GRIN3B: variants seen among roughly 807,000 people sequenced by gnomAD.
The protein encoded by GRIN3B is glutamate receptor ionotropic, NMDA 3B.
A neutral mutation model predicts 66.0 loss-of-function variants in GRIN3B; 77 were observed. The ratio of observed to expected loss-of-function variants is 1.17; its 90% CI spans 0.97 to 1.41. GRIN3B has a LOEUF of 1.41. Among genes scored for constraint, GRIN3B ranks in the 40% most tolerant of loss-of-function variants. The probability of loss-of-function intolerance (pLI) is 0.00; values close to 1 mark genes in which losing one functional copy is unlikely to be tolerated. For synonymous variants in GRIN3B, 823 were observed against 749.7 expected (o/e 1.10, Z -1.60); for missense variants, 1,787 against 1,564.5 (o/e 1.14, Z -2.40).
Position 1,007,777 on chromosome 19 carries a change from AG to A in GRIN3B, c.2198+5del. On this transcript the variant is annotated splice_donor_5th_base_variant and intron_variant, in intron 4 of 8. Coordinates refer to ENST00000234389, the MANE Select transcript of GRIN3B (RefSeq NM_138690.3). The surrounding 1 kb of genome is among the most constrained non-coding windows in gnomAD (Gnocchi z 4.4). ...CCCGCGGCGTCGCCATGCTCACGTG[AG>A]CCCGGGCGCGGGGTGAGGCGGGGGC... The A allele has an allele frequency of 6.6e-7, 1 of 1,513,680 alleles. No individual in the cohort carries two copies. The highest frequency in any genetic ancestry group is 8.8e-7 in the Non-Finnish European group (1 of 1,131,726). 93.8% of individuals were successfully genotyped at this position (1,513,680 alleles called of 1,614,324 possible). A position where few individuals can be genotyped will look rare whatever the true frequency, so the allele number is the denominator to read the frequency against.
intron 6 of GRIN3B, 144 bp from the exon 7 acceptor site, chr19:1,008,474 C>G (rs1033279782): frequency 1.9e-6 from 2 of 1,078,548 alleles, no homozygotes; most frequent in Non-Finnish European, 2.6e-6. Flanking sequence ...CCTCACTCCC[C>G]CCAGCCATGG....
In GRIN3B at chr19:1,005,644, TGGAGG is replaced by T; in HGVS notation, c.2052+92_2052+96del. 3 of 1,007,588 alleles carry T rather than the reference TGGAGG, an allele frequency of 3.0e-6. No homozygotes were observed. The highest frequency in any genetic ancestry group is 4.3e-6 in the Non-Finnish European group (3 of 700,698). 62.4% of individuals were successfully genotyped at this position (1,007,588 alleles called of 1,614,324 possible). The stretch of plus-strand genomic sequence containing the variant: ...TGGGGCAGGGGTGGTCAGCTGGACG[TGGAGG>T]ACGTCCACTAGGCCAACTCTGGTCC... On this transcript the variant is annotated intron_variant, in intron 3 of 8. Coordinates refer to ENST00000234389, the MANE Select transcript of GRIN3B (RefSeq NM_138690.3). This position sits in a 1 kb window ranked among gnomAD's most constrained non-coding sequence, Gnocchi z 5.2.
rs1218913213 is a variant in GRIN3B at position 1,000,796 on chromosome 19, C to T, written c.359C>T (p.Ala120Val). 6.9e-7 allele frequency: 1 copy of T among 1,444,062 alleles called. No individual in the cohort carries two copies. Among genetic ancestry groups the T allele is most frequent in the Non-Finnish European group, 9.0e-7 (1 of 1,105,212 alleles). The allele number at this position is 1,444,062 out of a possible 1,614,324, so 89.5% of individuals were successfully genotyped here. Residue 120 changes from alanine to valine, a missense_variant, in exon 1 of 9, where the codon GCG becomes GTG. Coordinates refer to ENST00000234389, the MANE Select transcript of GRIN3B (RefSeq NM_138690.3). ...GAGCTGCTGCAGCTGCACTTCCTGGCGGCGGCCACCGAGACCCCCGTGCTC... is the reference window on the plus strand; with the variant it reads ...GAGCTGCTGCAGCTGCACTTCCTGGTGGCGGCCACCGAGACCCCCGTGCTC... ...RPELLQLHFL[A>V]AATETPVLSL...
chr19:1,003,751 G>A (rs1485186872), intron 2 of GRIN3B, 29 bp downstream of exon 2: 3 of 1,379,292 alleles, frequency 2.2e-6, no homozygotes, highest in South Asian at 1.6e-5. Context: ...TCCCTTAGGA[G>A]GGTGTCCAGG....
At position 1,005,017 on chromosome 19, in the gene GRIN3B, G is replaced by T. The variant is rs377629131; in HGVS notation, c.1516G>T (p.Gly506Cys). 1.2e-6 allele frequency: 2 copies of T among 1,612,054 alleles called. No homozygotes were observed. The highest frequency in any genetic ancestry group is 2.7e-5 in the African/African-American group (2 of 75,030). Residue 506 changes from glycine (G) to cysteine (C), a missense_variant, in exon 3 of 9, where the codon GGC becomes TGC. Gly to Cys is a radical substitution (Grantham distance 159). Transcript: ENST00000234389. This position sits in a 1 kb window ranked among gnomAD's most constrained non-coding sequence, Gnocchi z 5.2. Reference sequence around the variant, plus strand: ...GTACCTCGTGGGTGACGGCAAGTACGGCGCCCTGCGGGACGGCCGCTGGAC... The same window carrying T: ...GTACCTCGTGGGTGACGGCAAGTACTGCGCCCTGCGGGACGGCCGCTGGAC... ...ELYLVGDGKYGALRDGRWTGL... is the reference protein window; with the variant it reads ...ELYLVGDGKYCALRDGRWTGL...
chr19:1,005,809 C>T lies in GRIN3B; in HGVS notation c.2052+256C>T, dbSNP rs2038742759. Among the ~76,000 whole-genome samples, 1 of 152,126 alleles carries T rather than the reference C, an allele frequency of 6.6e-6. No homozygotes were observed. The stretch of plus-strand genomic sequence containing the variant: ...GAAGTCAGGAGTCTCGAACTGGAGC[C>T]TGGCCAACATGGTGAAACCCCATCT... On this transcript the variant is annotated intron_variant, in intron 3 of 8. Transcript: ENST00000234389. The surrounding 1 kb of genome is among the most constrained non-coding windows in gnomAD (Gnocchi z 5.2).
chr19:1,009,053 C>A, intron 8 of GRIN3B, 120 bp from the exon 9 acceptor site: 1 of 1,443,458 alleles, frequency 6.9e-7, no homozygotes, highest in Non-Finnish European at 9.3e-7. Context: ...CCCGGACGTG[C>A]ACACCGTGGC....
chr19:1,005,442 C>A lies in GRIN3B; in HGVS notation c.1941C>A (p.Asn647Lys). 6.2e-7 allele frequency: 1 copy of A among 1,613,584 alleles called. No homozygotes were observed. Among genetic ancestry groups the A allele is most frequent in the Non-Finnish European group, 8.5e-7 (1 of 1,179,982 alleles). ...PKCPTGRLLM[N>K]LWAIFCLLVL... Reference sequence around the variant, plus strand: ...GCCCCACGGGCCGCCTGCTCATGAACCTCTGGGCCATCTTCTGCCTGCTGG... The same window carrying A: ...GCCCCACGGGCCGCCTGCTCATGAAACTCTGGGCCATCTTCTGCCTGCTGG... Residue 647 changes from asparagine (N) to lysine (K), a missense_variant, in exon 3 of 9, where the codon AAC becomes AAA. Coordinates refer to ENST00000234389, the MANE Select transcript of GRIN3B (RefSeq NM_138690.3). The surrounding 1 kb of genome is among the most constrained non-coding windows in gnomAD (Gnocchi z 5.2).
chr19:1,004,895 A>ATG lies in GRIN3B; in HGVS notation c.1394_1395insTG (p.Gly466AlafsTer182). On this transcript the variant is annotated frameshift_variant, in exon 3 of 9. Transcript: ENST00000234389. LOFTEE classifies it high-confidence loss of function. ...GACGCACTGTTCGCCGCGCTGGCCA[A>ATG]CGGCTCAGCGCCCCGTGCCCTGCGC... is the stretch of plus-strand genomic sequence containing the variant. The ATG allele has an allele frequency of 1.9e-6, 3 of 1,599,666 alleles. No homozygotes were observed. Among genetic ancestry groups the ATG allele is most frequent in the Non-Finnish European group, 2.6e-6 (3 of 1,171,466 alleles).
At position 1,005,940 on chromosome 19, in the gene GRIN3B, G is replaced by T. The variant is rs886307382; in HGVS notation, c.2052+387G>T. ...AATCACTTGAACCCAGGAGGCGGAGGTTGCAGTGAATCAAGATGGCACCAT... is the reference window on the plus strand; with the variant it reads ...AATCACTTGAACCCAGGAGGCGGAGTTTGCAGTGAATCAAGATGGCACCAT... On this transcript the variant is annotated intron_variant, in intron 3 of 8. Transcript: ENST00000234389. This position sits in a 1 kb window ranked among gnomAD's most constrained non-coding sequence, Gnocchi z 5.2. Among the ~76,000 whole-genome samples the T allele has an allele frequency of 6.6e-6, 1 of 152,104 alleles. No individual in the cohort carries two copies. The highest frequency in any genetic ancestry group is 1.5e-5 in the Non-Finnish European group (1 of 68,030).
chr19:1,006,874 G>A (rs192472673), intron 3 of GRIN3B, among the ~76,000 whole-genome samples: 2 of 152,314 alleles, frequency 1.3e-5, no homozygotes, highest in Non-Finnish European at 2.9e-5. Context: ...CCACAGGCAC[G>A]ATGGGATTCA....
At chr19:1,002,363 C>CA (rs71335327) in intron 1 of GRIN3B, among the ~76,000 whole-genome samples, 10,196 of 74,504 alleles carry the variant, frequency 0.14, 631 homozygotes, top group East Asian at 0.2. Context: ...ACTAAAAATA[C>CA]AAAAAAAAAA....
chr19:1,003,400 C>A lies in GRIN3B; in HGVS notation c.697C>A (p.Pro233Thr). Residue 233 changes from proline (P) to threonine (T), a missense_variant, in exon 2 of 9, where the codon CCC becomes ACC. Physicochemically the swap from Pro to Thr is conservative, Grantham distance 38 (BLOSUM62 -1). Transcript: ENST00000234389. ...AAPVGGEAPV[P>T]AAVLLGCDIA... ...GCCAGTGGGGGGTGAAGCACCGGTA[C>A]CCGCGGCGGTCCTCCTCGGCTGTGA... The A allele has an allele frequency of 1.3e-6, 2 of 1,554,568 alleles. No individual in the cohort carries two copies. The highest frequency in any genetic ancestry group is 1.7e-6 in the Non-Finnish European group (2 of 1,155,472).
At chr19:1,008,002 G>A (rs1217827127) in intron 5 of GRIN3B, 31 bp downstream of exon 5, 5 of 1,600,044 alleles carry the variant, frequency 3.1e-6, no homozygotes, top group African/African-American at 1.3e-5. Flanking sequence ...GCGGGGCGCC[G>A]GGGTCTCTGG....
At chr19:1,008,090 T>C (rs1259050865) in intron 5 of GRIN3B, 50 bp from the exon 6 acceptor site, 1 of 1,565,578 alleles carries the variant, frequency 6.4e-7, no homozygotes, top group Admixed American at 1.9e-5. Flanking sequence ...CGGGCAGAGT[T>C]CCCCTGGGGC....
chr19:1,008,578 A>G (rs756542974), intron 6 of GRIN3B, 40 bp from the exon 7 acceptor site: 154 of 1,578,336 alleles, frequency 9.8e-5, no homozygotes, highest in Non-Finnish European at 1.3e-4. Flanking sequence ...GGGGCCTGCC[A>G]TTACGTGACC....
rs1331108246 is a variant in GRIN3B at position 1,007,800 on chromosome 19, G to A, written c.2198+27G>A. On this transcript the variant is annotated intron_variant, in intron 4 of 8. Coordinates refer to ENST00000234389, the MANE Select transcript of GRIN3B (RefSeq NM_138690.3). This position sits in a 1 kb window ranked among gnomAD's most constrained non-coding sequence, Gnocchi z 4.4. ...TGAGCCCGGGCGCGGGGTGAGGCGG[G>A]GGCGGGGCGTGGGGTGGGCGGGGCG... 8.6e-6 allele frequency: 13 copies of A among 1,517,376 alleles called. No individual in the cohort carries two copies. The African/African-American group carries it at 1.7e-4, about 20-fold the overall frequency. The allele number at this position is 1,517,376 out of a possible 1,614,324, so 94.0% of individuals were successfully genotyped here. A position where few individuals can be genotyped will look rare whatever the true frequency, so the allele number is the denominator to read the frequency against.
At position 1,008,699 on chromosome 19, in the gene GRIN3B, C is replaced by G. The variant is rs1386826113; in HGVS notation, c.2548C>G (p.Leu850Val). The change falls in exon 7 of 9, where the codon CTG becomes GTG. Residue 850 changes from leucine (L) to valine (V), a missense_variant. Coordinates refer to ENST00000234389, the MANE Select transcript of GRIN3B (RefSeq NM_138690.3). ...CCTGGGCAGCGCTCTGCTCAGCTCG[C>G]TGGGCGAGCACGCCTTCTTCCGCCT... ...LGLGSALLSS[L>V]GEHAFFRLAL... 6.2e-7 allele frequency: 1 copy of G among 1,607,674 alleles called. No individual in the cohort carries two copies. The highest frequency in any genetic ancestry group is 8.5e-7 in the Non-Finnish European group (1 of 1,179,650).
intron 1 of GRIN3B, 89 bp downstream of exon 1, chr19:1,000,952 G>T: frequency 1.6e-6 from 2 of 1,262,566 alleles, no homozygotes; most frequent in Non-Finnish European, 2.0e-6. Context: ...CAGGATGGGG[G>T]TGCCGGGACT....
Sources: gnomAD v4.1 joint callset for allele counts (sites outside exome capture counted in the v4.1 genomes callset) on GRCh38, gnomAD v4.1.1 for gene constraint, Gnocchi (gnomAD v3.1) non-coding constraint, MANE v1.5 for transcripts, NCBI Gene and HGNC (gene_info 2026-07-23, HGNC 2026-07-21) for gene names.